IQCM: variants seen among roughly 807,000 people sequenced by gnomAD.
IQCM encodes IQ domain-containing protein M.
IQCM carries 45 observed loss-of-function variants against 57.6 expected under a neutral mutation model. The observed-to-expected ratio is 0.78, with a 90% CI of 0.62 to 1.00. The LOEUF is 1.00. Among genes scored for constraint, IQCM ranks in the 50% least tolerant of loss-of-function variants. The probability of loss-of-function intolerance (pLI) is 0.00; values close to 1 mark genes in which losing one functional copy is unlikely to be tolerated. For synonymous variants in IQCM, 148 were observed against 158.9 expected (o/e 0.93, Z 0.51); for missense variants, 468 against 511.6 (o/e 0.91, Z 0.82).
intron 12 of IQCM, among the ~76,000 whole-genome samples, chr4:149,533,371 G>A (rs1169912475): frequency 1.3e-5 from 2 of 151,998 alleles, no homozygotes; most frequent in Non-Finnish European, 2.9e-5. Flanking sequence ...TTTCCCAACA[G>A]CAACAGACAA....
At chr4:149,619,231 C>A (rs1207117101) in intron 8 of IQCM, among the ~76,000 whole-genome samples, 1 of 151,206 alleles carries the variant, frequency 6.6e-6, no homozygotes, top group Non-Finnish European at 1.5e-5. Context: ...GAAATGACTC[C>A]GAAGCAGAAA....
chr4:149,736,226 G>A (rs1766931377), intron 3 of IQCM, among the ~76,000 whole-genome samples: 1 of 152,080 alleles, frequency 6.6e-6, no homozygotes. Flanking sequence ...GGGATTACAG[G>A]TGTGACCGAA....
chr4:149,747,576 A>G (rs770121189), intron 2 of IQCM, among the ~76,000 whole-genome samples: 2 of 152,244 alleles, frequency 1.3e-5, no homozygotes, highest in Non-Finnish European at 2.9e-5. Flanking sequence ...TTGAATCTAC[A>G]TATGTGGAAT....
chr4:149,564,312 T>C (rs142906089), intron 9 of IQCM, among the ~76,000 whole-genome samples: 1 of 152,324 alleles, frequency 6.6e-6, no homozygotes, highest in East Asian at 1.9e-4. Context: ...GTAACTTTGA[T>C]TCAAATGCTT....
At chr4:149,516,491 G>A (rs1009731326) in intron 12 of IQCM, among the ~76,000 whole-genome samples, 1 of 152,208 alleles carries the variant, frequency 6.6e-6, no homozygotes, top group Admixed American at 6.5e-5. Context: ...CAGCTGGATT[G>A]ACAGAATTGT....
intron 13 of IQCM, among the ~76,000 whole-genome samples, chr4:149,360,877 T>A (rs1729430876): frequency 6.6e-6 from 1 of 152,206 alleles, no homozygotes; most frequent in African/African-American, 2.4e-5. Context: ...GAAGCAACTT[T>A]GGAACTGTGT....
intron 7 of IQCM, among the ~76,000 whole-genome samples, chr4:149,664,316 G>A (rs999201884): frequency 1.3e-5 from 2 of 151,972 alleles, no homozygotes; most frequent in Non-Finnish European, 2.9e-5. Flanking sequence ...TTTGGGGTCT[G>A]TTACTATAGA....
chr4:149,494,217 A>C (rs1742412833), intron 12 of IQCM, among the ~76,000 whole-genome samples: 1 of 152,104 alleles, frequency 6.6e-6, no homozygotes. Flanking sequence ...CAGTATGCAC[A>C]CTGCTGAGAC....
rs139684170 is a variant in IQCM at position 149,767,005 on chromosome 4, C to A, written c.-48-24266G>T. ...TATCTTTACCTAATGATATCACTAA[C>A]AAAAACAAATATTAGATTTTAAAAT... On this transcript the variant is annotated intron_variant, in intron 2 of 13. Coordinates refer to ENST00000636793, the MANE Select transcript of IQCM (RefSeq NM_001363507.2). Among the ~76,000 whole-genome samples the A allele has an allele frequency of 4.4e-3, 673 of 151,996 alleles. 9 individuals carry two copies. Among genetic ancestry groups the A allele is most frequent in the African/African-American group, 0.014 (598 of 41,484 alleles).
At chr4:149,420,804 A>G (rs559272424) in intron 13 of IQCM, among the ~76,000 whole-genome samples, 6 of 152,172 alleles carry the variant, frequency 3.9e-5, no homozygotes, top group Non-Finnish European at 8.8e-5. Context: ...TTGACTTCCA[A>G]TGATAAAAAT....
intron 8 of IQCM, among the ~76,000 whole-genome samples, chr4:149,607,510 A>T (rs2654827): frequency 0.21 from 32,085 of 151,940 alleles, 4,233 homozygotes; most frequent in Non-Finnish European, 0.28. Context: ...TGTAATTGCG[A>T]TGTGTAAACC....
intron 5 of IQCM, among the ~76,000 whole-genome samples, chr4:149,713,666 C>T (rs780683733): frequency 1.8e-4 from 28 of 152,288 alleles, no homozygotes; most frequent in Non-Finnish European, 3.2e-4. Context: ...CAGAAGAGAA[C>T]TTCTAAAGCC....
At chr4:149,691,310 A>G (rs1435087954) in intron 5 of IQCM, among the ~76,000 whole-genome samples, 3 of 152,162 alleles carry the variant, frequency 2.0e-5, no homozygotes, top group Admixed American at 2.0e-4. Flanking sequence ...TAGCCCCTGG[A>G]ACCTGAATTC....
Position 149,480,141 on chromosome 4 carries a change from G to A in IQCM, c.1229-46584C>T, listed in dbSNP as rs371580688. Among the ~76,000 whole-genome samples, 18 of 152,110 alleles carry A rather than the reference G, an allele frequency of 1.2e-4. No individual in the cohort carries two copies. In the South Asian group the frequency reaches 1.7e-3, roughly 14 times the overall value. The stretch of plus-strand genomic sequence containing the variant: ...GGGTAGATCCACATAACATCACTCT[G>A]ATTTACCAATTGTGCATTTTTTTTA... On this transcript the variant is annotated intron_variant, in intron 12 of 13. Transcript: ENST00000636793.
chr4:149,695,685 C>A (rs1763281211), intron 5 of IQCM, among the ~76,000 whole-genome samples: 1 of 152,064 alleles, frequency 6.6e-6, no homozygotes, highest in South Asian at 2.1e-4. Flanking sequence ...GAGATGGAGA[C>A]ATAAGAGAGG....
At chr4:149,636,599 G>C (rs1125051) in intron 7 of IQCM, among the ~76,000 whole-genome samples, 69,088 of 152,016 alleles carry the variant, frequency 0.45, 15,977 homozygotes, top group South Asian at 0.58. Flanking sequence ...TACACTGATA[G>C]CAGGCAATTA....
At chr4:149,699,457 G>A (rs1248581466) in intron 5 of IQCM, among the ~76,000 whole-genome samples, 2 of 151,858 alleles carry the variant, frequency 1.3e-5, no homozygotes, top group Non-Finnish European at 2.9e-5. Context: ...TAACAGATAT[G>A]GCTACAGTCC....
chr4:149,669,455 T>C (rs190754984), intron 7 of IQCM, among the ~76,000 whole-genome samples: 257 of 152,310 alleles, frequency 1.7e-3, no homozygotes, highest in Admixed American at 2.9e-3. Context: ...TAGTTACTTT[T>C]GCTATGCAGA....
intron 2 of IQCM, among the ~76,000 whole-genome samples, chr4:149,794,689 G>A (rs1357220540): frequency 6.6e-6 from 1 of 151,992 alleles, no homozygotes; most frequent in Non-Finnish European, 1.5e-5. Context: ...TTAGAAAATA[G>A]GAGCTTAAAG....
Sources: allele counts gnomAD v4.1 joint callset (sites outside exome capture counted in the v4.1 genomes callset), GRCh38; gene constraint gnomAD v4.1.1; transcripts MANE v1.5; gene names NCBI Gene and HGNC (gene_info 2026-07-23, HGNC 2026-07-21).